The following APPBP2 variants were observed in gnomAD, a reference collection of about 807,000 sequenced individuals.
The protein encoded by APPBP2 is amyloid protein-binding protein 2.
A neutral mutation model predicts 76.0 loss-of-function variants in APPBP2; 15 were observed. The ratio of observed to expected loss-of-function variants is 0.20; its 90% CI spans 0.13 to 0.30. The LOEUF (loss-of-function observed/expected upper bound fraction) is 0.30. Among genes scored for constraint, APPBP2 ranks in the 10% least tolerant of loss-of-function variants. APPBP2 has a pLI of 1.00. For synonymous variants in APPBP2, 222 were observed against 242.2 expected, an observed-to-expected ratio of 0.92 and a Z score of 0.77; for missense variants, 401 against 687.2, an observed-to-expected ratio of 0.58 and a Z score of 4.66.
chr17:60,485,994 C>T (rs1206803676), intron 3 of APPBP2, among the ~76,000 whole-genome samples: 4 of 152,100 alleles, frequency 2.6e-5, no homozygotes, highest in Non-Finnish European at 5.9e-5. Flanking sequence ...TCAGTTTCCA[C>T]GTAGTTGTGT....
intron 1 of APPBP2, among the ~76,000 whole-genome samples, chr17:60,505,691 T>G (rs1171832969): frequency 2.1e-5 from 3 of 142,396 alleles, no homozygotes; most frequent in Non-Finnish European, 3.0e-5. Flanking sequence ...TTTTTTTTTT[T>G]TTTTTTTTTT....
intron 3 of APPBP2, among the ~76,000 whole-genome samples, chr17:60,494,084 C>T (rs2090753280): frequency 6.6e-6 from 1 of 152,182 alleles, no homozygotes; most frequent in Admixed American, 6.5e-5. Flanking sequence ...TCTGCCACAG[C>T]CTACAGTAAG....
Position 60,447,280 on chromosome 17 carries a change from C to T in APPBP2, c.*301G>A, listed in dbSNP as rs903092105. The T allele has an allele frequency of 6.4e-5, 16 of 251,316 alleles. No individual in the cohort carries two copies. Among genetic ancestry groups the T allele is most frequent in the Admixed American group, 3.0e-4 (6 of 19,774 alleles). 15.6% of individuals were successfully genotyped at this position (251,316 alleles called of 1,614,324 possible). ...TTATTTAGGGGTATTTTTTTTCTTTCAGGCTTTCTGCAAAATGAATTTTTT... is the reference window on the plus strand; with the variant it reads ...TTATTTAGGGGTATTTTTTTTCTTTTAGGCTTTCTGCAAAATGAATTTTTT... On this transcript the variant is annotated 3_prime_UTR_variant, in exon 13 of 13. Coordinates refer to ENST00000083182, the MANE Select transcript of APPBP2 (RefSeq NM_006380.5).
chr17:60,460,850 T>A, intron 8 of APPBP2, 63 bp from the exon 9 acceptor site: 2 of 1,513,164 alleles, frequency 1.3e-6, no homozygotes, highest in Admixed American at 3.9e-5. Flanking sequence ...AAATTAAACA[T>A]CCTAGTAATT....
At chr17:60,448,141 C>T (rs1239276340) in intron 12 of APPBP2, among the ~76,000 whole-genome samples, 1 of 152,152 alleles carries the variant, frequency 6.6e-6, no homozygotes, top group African/African-American at 2.4e-5. Context: ...TCTCCAACAA[C>T]AGAAAAATAC....
intron 1 of APPBP2, among the ~76,000 whole-genome samples, chr17:60,519,969 A>C (rs988932137): frequency 5.3e-5 from 8 of 151,654 alleles, no homozygotes; most frequent in African/African-American, 1.9e-4. Context: ...TTTGTTCTAG[A>C]GATGGGATCT....
intron 9 of APPBP2, among the ~76,000 whole-genome samples, chr17:60,457,053 T>C (rs2090436509): frequency 6.6e-6 from 1 of 151,702 alleles, no homozygotes; most frequent in African/African-American, 2.4e-5. Context: ...CAGAATCGCT[T>C]GAACCTGGGA....
chr17:60,525,803 A>T lies in APPBP2; in HGVS notation c.129T>A (p.Val43=). 1 of 1,613,036 alleles carries T rather than the reference A, an allele frequency of 6.2e-7. No individual in the cohort carries two copies. Among genetic ancestry groups the T allele is most frequent in the Non-Finnish European group, 8.5e-7 (1 of 1,179,832 alleles). Residue 43 remains valine, a synonymous_variant, in exon 1 of 13, where the codon GTT becomes GTA. Coordinates refer to ENST00000083182, the MANE Select transcript of APPBP2 (RefSeq NM_006380.5). ...GGCCCACGGCGCATACCTTGTAGTA[A>T]ACATCAAACTGGATGTTCTCGGGCA... ...RSLPENIQFD[V]YYKLYQQGRL...
chr17:60,457,682 G>A (rs2090441538), intron 9 of APPBP2, among the ~76,000 whole-genome samples: 1 of 152,174 alleles, frequency 6.6e-6, no homozygotes, highest in Admixed American at 6.5e-5. Flanking sequence ...CACCCACCCT[G>A]GCCTCCTAAA....
chr17:60,465,651 T>C (rs2090505623), intron 5 of APPBP2, among the ~76,000 whole-genome samples: 1 of 152,134 alleles, frequency 6.6e-6, no homozygotes, highest in East Asian at 1.9e-4. Context: ...GAGGATCACC[T>C]GAGCCCAGGA....
At chr17:60,475,648 TACACACACACACACAC>T (rs72415327) in intron 4 of APPBP2, among the ~76,000 whole-genome samples, 11 of 129,264 alleles carry the variant, frequency 8.5e-5, no homozygotes, top group East Asian at 4.5e-4. Flanking sequence ...CAACTCTTTA[TACACACACACACACAC>T]ACACACACAC....
intron 4 of APPBP2, among the ~76,000 whole-genome samples, chr17:60,471,807 G>T (rs1246057502): frequency 6.6e-6 from 1 of 152,026 alleles, no homozygotes; most frequent in Non-Finnish European, 1.5e-5. Flanking sequence ...TTGGTCTTTG[G>T]TATCAGGGTA....
At chr17:60,475,958 G>A (rs1334887688) in intron 4 of APPBP2, among the ~76,000 whole-genome samples, 1 of 152,098 alleles carries the variant, frequency 6.6e-6, no homozygotes, top group African/African-American at 2.4e-5. Context: ...CTGAAAAGGG[G>A]GTTGCGGGTG....
In APPBP2 at chr17:60,456,262, T is replaced by C. The variant is rs147632243; in HGVS notation, c.1147+34A>G. 818 of 1,367,432 alleles carry C rather than the reference T, an allele frequency of 6.0e-4. 5 individuals are homozygous for C. The African/African-American group carries it at 9.9e-3, about 17-fold the overall frequency. 84.7% of individuals were successfully genotyped at this position (1,367,432 alleles called of 1,614,324 possible). The stretch of plus-strand genomic sequence containing the variant: ...CTATTTTATACCATATATCATCTAT[T>C]TTAAAATATCTGAGACTAGATTACA... On this transcript the variant is annotated intron_variant, in intron 10 of 12. Transcript: ENST00000083182.
intron 3 of APPBP2, among the ~76,000 whole-genome samples, chr17:60,488,030 T>C (rs1054273934): frequency 6.6e-6 from 1 of 152,124 alleles, no homozygotes; most frequent in Admixed American, 6.5e-5. Flanking sequence ...CAGCGAAAGC[T>C]GCAGAACAGC....
chr17:60,521,978 C>CA (rs1397206318), intron 1 of APPBP2, among the ~76,000 whole-genome samples: 2 of 152,130 alleles, frequency 1.3e-5, no homozygotes, highest in Non-Finnish European at 2.9e-5. Flanking sequence ...AGCCTAAGAA[C>CA]AATAGGCTAT....
intron 1 of APPBP2, among the ~76,000 whole-genome samples, chr17:60,511,017 C>T (rs2090907975): frequency 6.6e-6 from 1 of 152,136 alleles, no homozygotes; most frequent in African/African-American, 2.4e-5. Flanking sequence ...CAACTCTATA[C>T]CTCACTTTAT....
chr17:60,493,017 G>C (rs1419368930), intron 3 of APPBP2, among the ~76,000 whole-genome samples: 1 of 152,150 alleles, frequency 6.6e-6, no homozygotes, highest in Non-Finnish European at 1.5e-5. Flanking sequence ...CATAGGGCCG[G>C]TTCCCCAACA....
In APPBP2 at chr17:60,479,194, G is replaced by T; in HGVS notation, c.457C>A (p.His153Asn). 1 of 1,613,872 alleles carries T rather than the reference G, an allele frequency of 6.2e-7. No individual in the cohort carries two copies. The highest frequency in any genetic ancestry group is 8.5e-7 in the Non-Finnish European group (1 of 1,179,906). The change falls in exon 4 of 13, where the codon CAC (histidine) becomes AAC (asparagine). Residue 153 changes from histidine to asparagine, a missense_variant. Physicochemically the swap from His to Asn is moderately conservative, Grantham distance 68. This residue lies in a region of APPBP2 where 149 missense variants were observed against 198.4 expected (regional missense o/e 0.75). Transcript: ENST00000083182. ...FLSCLQLCTL[H>N]DEMLHWFRAV... ...CGAAACCAATGAAGCATCTCATCGT[G>T]TAGAGTACACAACTGAAGGCAGGAC...
Sources: gnomAD v4.1 joint callset for allele counts (sites outside exome capture counted in the v4.1 genomes callset) on GRCh38, gnomAD v4.1.1 for gene constraint, gnomAD v4.1.1 regional missense constraint, MANE v1.5 for transcripts, NCBI Gene and HGNC (gene_info 2026-07-23, HGNC 2026-07-21) for gene names.